The following BTNL2 variants were observed in gnomAD, a reference collection of about 807,000 sequenced individuals.
BTNL2 encodes butyrophilin like 2, also known as butyrophilin-like protein 2.
Under a neutral mutation model 46.8 loss-of-function variants are expected in BTNL2, and 46 were observed. That is an observed-to-expected ratio of 0.98 (90% confidence interval 0.78 to 1.26). BTNL2 has a LOEUF of 1.26. Ranked by LOEUF, BTNL2 falls within the 50% of genes most tolerant of loss-of-function variation. BTNL2 has a pLI of 0.00. For synonymous variants in BTNL2, 226 were observed against 229.1 expected (o/e 0.99, Z 0.12); for missense variants, 461 against 592.6 (o/e 0.78, Z 2.31).
rs1167442000 is a variant in BTNL2, at chr6:32,396,938, C to T, written c.731-552G>A. Among the ~76,000 whole-genome samples the T allele has an allele frequency of 3.3e-5, 5 of 152,048 alleles. No homozygotes were observed. The highest frequency in any genetic ancestry group is 3.3e-4 in the Admixed American group (5 of 15,274). On this transcript the variant is annotated intron_variant, in intron 4 of 7. Transcript: ENST00000454136. The surrounding 1 kb of genome is among the most constrained non-coding windows in gnomAD (Gnocchi z 4.4). The stretch of plus-strand genomic sequence containing the variant: ...GAGGTTGCAGTGAGCTGAGATCATG[C>T]CACTGCACTCCAGGCTGGGTGACAA...
At chr6:32,398,730 TGAAG>T (rs1224054097) in intron 4 of BTNL2, among the ~76,000 whole-genome samples, 2 of 152,220 alleles carry the variant, frequency 1.3e-5, no homozygotes, top group Non-Finnish European at 2.9e-5. Context: ...CAATGGAGAC[TGAAG>T]GAAGCAAAAT....
At chr6:32,402,407 G>A (rs1250458172) in intron 3 of BTNL2, among the ~76,000 whole-genome samples, 2 of 145,140 alleles carry the variant, frequency 1.4e-5, no homozygotes, top group Non-Finnish European at 3.0e-5. Flanking sequence ...TGCATCATGA[G>A]GATTTTTTTC....
chr6:32,402,331 G>T (rs1281503420), intron 3 of BTNL2, among the ~76,000 whole-genome samples: 1 of 152,036 alleles, frequency 6.6e-6, no homozygotes, highest in Non-Finnish European at 1.5e-5. Context: ...GTTATTTAAG[G>T]CCAGTAACTT....
At chr6:32,397,082 G>A (rs529464471) in intron 4 of BTNL2, among the ~76,000 whole-genome samples, 1 of 151,918 alleles carries the variant, frequency 6.6e-6, no homozygotes, top group African/African-American at 2.4e-5. Context: ...ATTTAACTTA[G>A]TACGTCAACT....
At chr6:32,405,362 T>A in intron 1 of BTNL2, 76 bp from the exon 2 acceptor site, 1 of 1,384,468 alleles carries the variant, frequency 7.2e-7, no homozygotes. Flanking sequence ...GTGTCCAGCC[T>A]GTCAAAATGG....
rs1776482858 is a variant in BTNL2, at chr6:32,396,819, GAAATACAA to G, written c.731-441_731-434del. Among the ~76,000 whole-genome samples, 1 of 148,452 alleles carries G rather than the reference GAAATACAA, an allele frequency of 6.7e-6. No homozygotes were observed. The highest frequency in any genetic ancestry group is 2.6e-4 in the South Asian group (1 of 3,882). On this transcript the variant is annotated intron_variant, in intron 4 of 7. Coordinates refer to ENST00000454136, the MANE Select transcript of BTNL2 (RefSeq NM_001304561.2). This position sits in a 1 kb window ranked among gnomAD's most constrained non-coding sequence, Gnocchi z 4.4. ...AACATGGTGAAACCCCGTCTCTACA[GAAATACAA>G]AAATTAGTCGGGCATGATGGTGGGT...
At chr6:32,398,431 T>C (rs1376824308) in intron 4 of BTNL2, among the ~76,000 whole-genome samples, 3 of 152,226 alleles carry the variant, frequency 2.0e-5, no homozygotes, top group Non-Finnish European at 4.4e-5. Flanking sequence ...ATTTCCAGCA[T>C]TTTGTTTGCT....
chr6:32,404,066 C>A (rs771285176), intron 2 of BTNL2, among the ~76,000 whole-genome samples: 10 of 152,070 alleles, frequency 6.6e-5, no homozygotes, highest in Non-Finnish European at 1.3e-4. Flanking sequence ...ATTCCTCCAT[C>A]CATTTTGAAT....
chr6:32,401,207 C>CAAAAAAAAAAAAAAAAAA lies in BTNL2; in HGVS notation c.730+560_730+577dup, dbSNP rs9279632. Among the ~76,000 whole-genome samples the CAAAAAAAAAAAAAAAAAA allele has an allele frequency of 6.2e-4, 24 of 38,918 alleles. 3 individuals carry two copies. The highest frequency in any genetic ancestry group is 1.1e-3 in the South Asian group (1 of 950). The allele number at this position is 38,918 out of a possible 152,430, so 25.5% of individuals were successfully genotyped here. A position where few individuals can be genotyped will look rare whatever the true frequency, so the allele number is the denominator to read the frequency against. ...TGGGCGACAGAGCAAGACTCCGTCT[C>CAAAAAAAAAAAAAAAAAA]AAAAAAAAAAAAAAAAAAAAAAAAA... On this transcript the variant is annotated intron_variant, in intron 4 of 7. Transcript: ENST00000454136.
At chr6:32,395,058 C>A in intron 5 of BTNL2, 33 bp from the exon 6 acceptor site, 1 of 1,525,742 alleles carries the variant, frequency 6.6e-7, no homozygotes, top group Non-Finnish European at 8.8e-7. Context: ...AGCCTGGGGT[C>A]CTTTCAAGTG....
Position 32,394,642 on chromosome 6 carries a change from G to A in BTNL2, c.1360+102C>T. On this transcript the variant is annotated intron_variant, in intron 6 of 7. Transcript: ENST00000454136. The surrounding 1 kb of genome is among the most constrained non-coding windows in gnomAD (Gnocchi z 4.6). ...TAGCAGGAGACCTCGTCAGAGATCA[G>A]CAAATAAAAATCACAAAGGAAGAAG... 1 of 1,372,332 alleles carries A rather than the reference G, an allele frequency of 7.3e-7. No individual in the cohort carries two copies. The highest frequency in any genetic ancestry group is 1.0e-6 in the Non-Finnish European group (1 of 1,001,528). The allele number at this position is 1,372,332 out of a possible 1,614,324, so 85.0% of individuals were successfully genotyped here.
chr6:32,405,168 G>T lies in BTNL2; in HGVS notation c.198C>A (p.Tyr66Ter). 1 of 1,613,018 alleles carries T rather than the reference G, an allele frequency of 6.2e-7. No homozygotes were observed. Among genetic ancestry groups the T allele is most frequent in the African/African-American group, 1.3e-5 (1 of 75,022 alleles). Residue 66 changes from tyrosine (Y) to a stop codon, truncating the protein, a stop_gained, in exon 2 of 8, where the codon TAC (tyrosine) becomes TAA (stop). Transcript: ENST00000454136. LOFTEE classifies it high-confidence loss of function. ...ACACAGGTGTGCTGGGCTCTGAGCGGTACCACCTCACCTCCACGTGCATTG... is the reference window on the plus strand; with the variant it reads ...ACACAGGTGTGCTGGGCTCTGAGCGTTACCACCTCACCTCCACGTGCATTG... Reference protein sequence around the residue: ...RTTMHVEVRWYRSEPSTPVFV... With the variant: ...RTTMHVEVRW
chr6:32,402,891 T>G, intron 3 of BTNL2, 44 bp downstream of exon 3: 1 of 1,592,892 alleles, frequency 6.3e-7, no homozygotes, highest in Non-Finnish European at 8.6e-7. Flanking sequence ...CTGGGACCTC[T>G]CCTGCTGATC....
rs79379254 is a variant in BTNL2 at position 32,402,949 on chromosome 6, AC to A, written c.694del (p.Val232SerfsTer15). The A allele has an allele frequency of 1.4e-3, 2,188 of 1,612,810 alleles. 26 individuals carry two copies. In the African/African-American group the frequency reaches 0.025, roughly 18 times the overall value. ...NPVLTEEKGS[V>X]ISLPEKLQTE... is the part of the protein sequence containing the mutation. ...AGAGCACTGACCTGGGAGGCTGATG[AC>A]CGACCCCTTCTCCTCAGTGAGGACG... On this transcript the variant is annotated frameshift_variant, in exon 3 of 8. Transcript: ENST00000454136. LOFTEE classifies it high-confidence loss of function.
intron 1 of BTNL2, among the ~76,000 whole-genome samples, chr6:32,405,906 T>G (rs1045285057): frequency 6.6e-6 from 1 of 152,150 alleles, no homozygotes; most frequent in Admixed American, 6.5e-5. Flanking sequence ...ACAAGGACAT[T>G]TTGTGCTGGA....
chr6:32,396,719 G>A lies in BTNL2; in HGVS notation c.731-333C>T, dbSNP rs139854564. ...AGATAGGCTGGGTGTGGTGGCTCAA[G>A]TCTATAATCCCAGCACTTTGGGAGG... On this transcript the variant is annotated intron_variant, in intron 4 of 7. Coordinates refer to ENST00000454136, the MANE Select transcript of BTNL2 (RefSeq NM_001304561.2). This position sits in a 1 kb window ranked among gnomAD's most constrained non-coding sequence, Gnocchi z 4.4. 0.012 allele frequency among the ~76,000 whole-genome samples: 1,850 copies of A among 152,230 alleles called. 68 individuals carry two copies. The highest frequency in any genetic ancestry group is 0.11 in the East Asian group (562 of 5,166).
At position 32,405,271 on chromosome 6, in the gene BTNL2, A is replaced by G. The variant is rs1777061601; in HGVS notation, c.95T>C (p.Ile32Thr). The change falls in exon 2 of 8, where the codon ATT becomes ACT. Residue 32 changes from isoleucine (I) to threonine (T), a missense_variant. Coordinates refer to ENST00000454136, the MANE Select transcript of BTNL2 (RefSeq NM_001304561.2). ...TMKQSEDFRV[I>T]GPAHPILAGV... ...GGCCAGGATAGGATGAGCAGGGCCA[A>G]TGACTCTAAAGTCTTCTATAAAATA... 2.5e-6 allele frequency: 4 copies of G among 1,613,050 alleles called. No homozygotes were observed. The highest frequency in any genetic ancestry group is 2.5e-6 in the Non-Finnish European group (3 of 1,180,020).
At chr6:32,401,268 G>C (rs1221830316) in intron 4 of BTNL2, among the ~76,000 whole-genome samples, 1 of 139,236 alleles carries the variant, frequency 7.2e-6, no homozygotes, top group Non-Finnish European at 1.5e-5. Context: ...AGTATCCCAG[G>C]TTGCACTCAG....
At position 32,396,360 on chromosome 6, in the gene BTNL2, G is replaced by C. The variant is rs146677249; in HGVS notation, c.757C>G (p.Gln253Glu). The C allele has an allele frequency of 2.4e-4, 384 of 1,612,592 alleles. No individual in the cohort carries two copies. The highest frequency in any genetic ancestry group is 3.1e-4 in the Non-Finnish European group (365 of 1,179,868). Reference sequence around the variant, plus strand: ...TCTCCCACTCTGACGAGGATGGGCTGGGAAGGTCCATTCACTTTTAAAGAA... The same window carrying C: ...TCTCCCACTCTGACGAGGATGGGCTCGGAAGGTCCATTCACTTTTAAAGAA... ...LASLKVNGPS[Q>E]PILVRVGEDI... is the part of the protein sequence containing the mutation. The change falls in exon 5 of 8, where the codon CAG becomes GAG. Residue 253 changes from glutamine to glutamate, a missense_variant. Transcript: ENST00000454136. The surrounding 1 kb of genome is among the most constrained non-coding windows in gnomAD (Gnocchi z 4.4).
Sources: allele counts gnomAD v4.1 joint callset (sites outside exome capture counted in the v4.1 genomes callset), GRCh38; gene constraint gnomAD v4.1.1; non-coding constraint Gnocchi (gnomAD v3.1); transcripts MANE v1.5; gene names NCBI Gene and HGNC (gene_info 2026-07-23, HGNC 2026-07-21).